The following CLCN5 variants were observed in gnomAD, a reference collection of about 807,000 sequenced individuals.
CLCN5 encodes the protein Cl-/H+ antiporter 5, also known as H(+)/Cl(-) exchange transporter 5.
A neutral mutation model predicts 54.0 loss-of-function variants in CLCN5; 17 were observed. The ratio of observed to expected loss-of-function variants is 0.31; its 90% CI spans 0.22 to 0.47. CLCN5 has a LOEUF of 0.47. Ranked by LOEUF, CLCN5 falls within the 20% of genes least tolerant of loss-of-function variation. CLCN5 has a pLI of 1.00. For synonymous variants in CLCN5, 222 were observed against 233.0 expected (o/e 0.95, Z 0.43); for missense variants, 448 against 646.7 (o/e 0.69, Z 3.33).
At chrX:50,038,710 G>A (rs1932097674) in intron 3 of CLCN5, among the ~76,000 whole-genome samples, 1 of 111,577 alleles carries the variant, frequency 9.0e-6, no homozygotes, top group Non-Finnish European at 1.9e-5. Context: ...CTCCCCAAAA[G>A]TCAGTTGAGA....
At chrX:50,073,808 C>T (rs1269701088) in intron 6 of CLCN5, among the ~76,000 whole-genome samples, 1 of 111,705 alleles carries the variant, frequency 9.0e-6, no homozygotes, top group Non-Finnish European at 1.9e-5. Flanking sequence ...TGATGTGGCA[C>T]GAAAGCAGCC....
chrX:49,948,465 T>C (rs1926872877), intron 3 of CLCN5, among the ~76,000 whole-genome samples: 1 of 111,793 alleles, frequency 8.9e-6, no homozygotes, highest in South Asian at 3.7e-4. Context: ...TTTTTAATTC[T>C]GTGGTTCTTT....
intron 3 of CLCN5, among the ~76,000 whole-genome samples, chrX:50,041,430 G>A (rs1557187125): frequency 8.1e-5 from 9 of 110,895 alleles, no homozygotes. Context: ...CACTTGGGAT[G>A]AAGAACATTT....
At chrX:50,003,810 G>A (rs1930009163) in intron 3 of CLCN5, among the ~76,000 whole-genome samples, 1 of 111,449 alleles carries the variant, frequency 9.0e-6, no homozygotes, top group South Asian at 3.8e-4. Context: ...GCCTAGAGAA[G>A]GAAGGGGGGT....
intron 3 of CLCN5, among the ~76,000 whole-genome samples, chrX:49,985,503 G>T (rs893996338): frequency 9.0e-6 from 1 of 111,662 alleles, no homozygotes. Flanking sequence ...TTTCATTGTT[G>T]TTTTTGTTGC....
chrX:49,994,891 A>G (rs1602023563), intron 3 of CLCN5, among the ~76,000 whole-genome samples: 1 of 112,261 alleles, frequency 8.9e-6, no homozygotes, highest in African/African-American at 3.2e-5. Context: ...GTATGATGCA[A>G]CTAAGATGCA....
intron 3 of CLCN5, among the ~76,000 whole-genome samples, chrX:50,005,380 G>A (rs1264845322): frequency 9.0e-6 from 1 of 111,368 alleles, no homozygotes; most frequent in Non-Finnish European, 1.9e-5. Context: ...ATTTCATTAG[G>A]GGTTGCAAAA....
chrX:50,056,995 G>C, intron 4 of CLCN5, among the ~76,000 whole-genome samples: 1 of 111,728 alleles, frequency 9.0e-6, no homozygotes, highest in Non-Finnish European at 1.9e-5. Flanking sequence ...TGTCCTTCCT[G>C]CGTGTTAGAC....
intron 3 of CLCN5, among the ~76,000 whole-genome samples, chrX:50,018,414 T>G (rs1930897401): frequency 1.8e-5 from 2 of 112,066 alleles, no homozygotes; most frequent in South Asian, 7.4e-4. Flanking sequence ...GAAAAAAAAG[T>G]TTTTATTTCT....
intron 3 of CLCN5, among the ~76,000 whole-genome samples, chrX:49,971,718 G>T (rs1213820735): frequency 8.9e-6 from 1 of 111,829 alleles, no homozygotes; most frequent in Non-Finnish European, 1.9e-5. Flanking sequence ...CTGTAACCCA[G>T]AGCTGGGGAA....
intron 6 of CLCN5, among the ~76,000 whole-genome samples, chrX:50,074,999 G>T (rs1299972474): frequency 8.9e-6 from 1 of 112,006 alleles, no homozygotes; most frequent in Non-Finnish European, 1.9e-5. Flanking sequence ...TAGCCACAGT[G>T]CATCCTAAGT....
Position 50,098,482 on chromosome X carries a change from T to G in CLCN5, c.*6263T>G, listed in dbSNP as rs1485263380. ...TGGGTTCCGGCCCATGGGCCACTAT[T>G]TGAATTTCTCTGTAGTAAGCTCTTT... On this transcript the variant is annotated 3_prime_UTR_variant, in exon 15 of 15. Coordinates refer to ENST00000376091, the MANE Select transcript of CLCN5 (RefSeq NM_001127898.4). 1 of 113,046 alleles carries G rather than the reference T, an allele frequency of 8.8e-6. No homozygotes were observed. The highest frequency in any genetic ancestry group is 1.9e-5 in the Non-Finnish European group (1 of 53,384). 9.3% of individuals were successfully genotyped at this position (113,046 alleles called of 1,213,427 possible).
chrX:50,092,482 T>C lies in CLCN5; in HGVS notation c.*263T>C. 2 of 336,293 alleles carry C rather than the reference T, an allele frequency of 5.9e-6. No individual in the cohort carries two copies. Among genetic ancestry groups the C allele is most frequent in the East Asian group, 1.0e-4 (2 of 19,592 alleles). 27.7% of individuals were successfully genotyped at this position (336,293 alleles called of 1,213,427 possible). On this transcript the variant is annotated 3_prime_UTR_variant, in exon 15 of 15. Coordinates refer to ENST00000376091, the MANE Select transcript of CLCN5 (RefSeq NM_001127898.4). ...AAATAAGATTGCTATGGTTTAATTATATTTGCTTTTTAAAAGATTTTTTTA... is the reference window on the plus strand; with the variant it reads ...AAATAAGATTGCTATGGTTTAATTACATTTGCTTTTTAAAAGATTTTTTTA...
At chrX:50,012,015 G>A (rs782741162) in intron 3 of CLCN5, among the ~76,000 whole-genome samples, 2 of 111,226 alleles carry the variant, frequency 1.8e-5, no homozygotes, top group African/African-American at 6.5e-5. Flanking sequence ...TTAACAAGCA[G>A]GGGTGGCGCT....
In CLCN5 at chrX:50,086,306, T is replaced by C. The variant is rs781906264; in HGVS notation, c.1015-22T>C. ...GTTTCTGCGTATTGACTGAGTTTGCTTTCTCACCTTCTTTCTTCTAGGTCA... is the reference window on the plus strand; with the variant it reads ...GTTTCTGCGTATTGACTGAGTTTGCCTTCTCACCTTCTTTCTTCTAGGTCA... On this transcript the variant is annotated intron_variant, in intron 10 of 14. Coordinates refer to ENST00000376091, the MANE Select transcript of CLCN5 (RefSeq NM_001127898.4). 24 of 1,198,283 alleles carry C rather than the reference T, an allele frequency of 2.0e-5. No homozygotes were observed. The East Asian group carries it at 3.0e-4, about 15-fold the overall frequency.
chrX:49,986,416 T>G (rs1329982696), intron 3 of CLCN5, among the ~76,000 whole-genome samples: 1 of 112,182 alleles, frequency 8.9e-6, no homozygotes, highest in Non-Finnish European at 1.9e-5. Context: ...ACTACTTTTT[T>G]AAGTCATTTT....
chrX:50,033,098 G>A (rs1236225914), intron 3 of CLCN5, among the ~76,000 whole-genome samples: 1 of 111,236 alleles, frequency 9.0e-6, no homozygotes, highest in Non-Finnish European at 1.9e-5. Flanking sequence ...TTTGGTACCA[G>A]TACCATGCTG....
intron 8 of CLCN5, among the ~76,000 whole-genome samples, chrX:50,081,386 A>G (rs1933693742): frequency 9.1e-6 from 1 of 110,132 alleles, no homozygotes; most frequent in Admixed American, 9.6e-5. Context: ...ATATATGCAC[A>G]CTCTCATACT....
rs782060809 is a variant in CLCN5, at chrX:50,090,187, G to A, written c.1816G>A (p.Val606Met). The A allele has an allele frequency of 2.5e-5, 30 of 1,209,250 alleles. No homozygotes were observed. The highest frequency in any genetic ancestry group is 8.7e-5 in the Admixed American group (4 of 45,743). ...ACTGACTGGTGGCTTAGAATACATC[G>A]TGCCTCTGATGGCTGCAGCCATGAC... The part of the protein sequence containing the change: ...FELTGGLEYI[V>M]PLMAAAMTSK... The change falls in exon 13 of 15, where the codon GTG (valine) becomes ATG (methionine). Residue 606 changes from valine to methionine, a missense_variant. Transcript: ENST00000376091.
Sources: allele counts gnomAD v4.1 joint callset (sites outside exome capture counted in the v4.1 genomes callset), GRCh38; gene constraint gnomAD v4.1.1; transcripts MANE v1.5; gene names NCBI Gene and HGNC (gene_info 2026-07-23, HGNC 2026-07-21).